ZPLD1: variants seen among roughly 807,000 people sequenced by gnomAD.
The protein encoded by ZPLD1 is zona pellucida-like domain-containing protein 1.
Under a neutral mutation model 47.2 loss-of-function variants are expected in ZPLD1, and 34 were observed. That is an observed-to-expected ratio of 0.72 (90% CI 0.55 to 0.96). The LOEUF (loss-of-function observed/expected upper bound fraction) is 0.96. Among genes scored for constraint, ZPLD1 ranks in the 40% least tolerant of loss-of-function variants. The probability of loss-of-function intolerance (pLI) is 0.00; values close to 1 mark genes in which losing one functional copy is unlikely to be tolerated. For synonymous variants in ZPLD1, 176 were observed against 186.2 expected (o/e 0.95, Z 0.45); for missense variants, 512 against 505.8 (o/e 1.01, Z -0.12).
intron 10 of ZPLD1, among the ~76,000 whole-genome samples, chr3:102,471,879 C>CA (rs1402653781): frequency 2.3e-4 from 35 of 152,016 alleles, no homozygotes; most frequent in Non-Finnish European, 4.7e-4. Flanking sequence ...AATTTCCCCC[C>CA]AAAAAAGAGA....
At position 102,463,719 on chromosome 3, in the gene ZPLD1, G is replaced by T. The variant is rs192931367; in HGVS notation, c.681-452G>T. Among the ~76,000 whole-genome samples the T allele has an allele frequency of 2.6e-5, 4 of 152,172 alleles. No individual in the cohort carries two copies. The East Asian group carries it at 7.7e-4, about 29-fold the overall frequency. On this transcript the variant is annotated intron_variant, in intron 7 of 11. Transcript: ENST00000466937. ...AACAATAAACTTCCGCAAATAACAA[G>T]TAATAAACAATTATATTCCATGAGA... is the stretch of plus-strand genomic sequence containing the variant.
chr3:102,464,019 C>A (rs771650359), intron 7 of ZPLD1, 152 bp from the exon 8 acceptor site: 44 of 572,672 alleles, frequency 7.7e-5, no homozygotes, highest in Middle Eastern at 4.9e-4. Flanking sequence ...CACTGCACTC[C>A]AGTCTGGGCA....
chr3:102,462,158 G>A, intron 6 of ZPLD1, 123 bp from the exon 7 acceptor site: 2 of 565,840 alleles, frequency 3.5e-6, no homozygotes, highest in Non-Finnish European at 6.0e-6. Context: ...ATCCTTTTTG[G>A]ATTGATTCTG....
chr3:102,437,058 A>G (rs1707102062), intron 2 of ZPLD1, 85 bp downstream of exon 2: 1 of 568,638 alleles, frequency 1.8e-6, no homozygotes, highest in African/African-American at 2.0e-5. Context: ...AGACTGTCTT[A>G]TTCTAGTTGA....
intron 7 of ZPLD1, among the ~76,000 whole-genome samples, chr3:102,392,981 G>A (rs746222230): frequency 3.9e-5 from 6 of 152,220 alleles, no homozygotes; most frequent in Non-Finnish European, 7.4e-5. Flanking sequence ...CTTGATATCT[G>A]TTTACATGCA....
intron 7 of ZPLD1, among the ~76,000 whole-genome samples, chr3:102,409,715 C>T (rs147082003): frequency 6.7e-4 from 102 of 151,814 alleles, no homozygotes; most frequent in African/African-American, 2.4e-3. Context: ...TATGGAGTTT[C>T]CATTTTTTGC....
rs1707508876 is a variant in ZPLD1, at chr3:102,461,688, A to C, written c.583-593A>C. Among the ~76,000 whole-genome samples the C allele has an allele frequency of 2.0e-5, 3 of 151,966 alleles. No homozygotes were observed. In the South Asian group the frequency reaches 6.2e-4, roughly 32 times the overall value. On this transcript the variant is annotated intron_variant, in intron 6 of 11. Coordinates refer to ENST00000466937, the MANE Select transcript of ZPLD1 (RefSeq NM_001329788.2). ...TCTTGAAGATATTGATACATTCTAG[A>C]AATTTGGTTCTCCTGTAGTTTCTTC...
At chr3:102,400,984 T>G (rs1471081409) in intron 7 of ZPLD1, among the ~76,000 whole-genome samples, 1 of 152,094 alleles carries the variant, frequency 6.6e-6, no homozygotes, top group Non-Finnish European at 1.5e-5. Flanking sequence ...ATGAGTCATT[T>G]CCTCTGCTTT....
chr3:102,425,201 A>G (rs1165138589), intron 8 of ZPLD1, among the ~76,000 whole-genome samples: 1 of 152,094 alleles, frequency 6.6e-6, no homozygotes, highest in Non-Finnish European at 1.5e-5. Flanking sequence ...CTAAACAGCT[A>G]TTGTCATTCA....
At chr3:102,440,383 A>G (rs1576148626) in intron 3 of ZPLD1, among the ~76,000 whole-genome samples, 1 of 151,994 alleles carries the variant, frequency 6.6e-6, no homozygotes, top group Non-Finnish European at 1.5e-5. Flanking sequence ...AGAAATGGAG[A>G]ATTGATTTGG....
intron 6 of ZPLD1, among the ~76,000 whole-genome samples, chr3:102,388,849 T>A (rs760649288): frequency 6.6e-6 from 1 of 152,206 alleles, no homozygotes. Flanking sequence ...AAGAGACTTC[T>A]GATTTTTTTG....
intron 10 of ZPLD1, among the ~76,000 whole-genome samples, chr3:102,475,931 A>G (rs2688700): frequency 0.22 from 33,414 of 152,090 alleles, 4,135 homozygotes; most frequent in Non-Finnish European, 0.29. Context: ...ATTCATCTTC[A>G]TAACCAGAAA....
Position 102,391,991 on chromosome 3 carries a change from C to CAACT in ZPLD1, c.-212-175_-212-172dup, listed in dbSNP as rs1220841033. ...GGCCATTGAAAAGAAAAACCCTAAT[C>CAACT]AACTAACCAACCAACCAACCAACAA... On this transcript the variant is annotated intron_variant, in intron 6 of 17. Transcript: ENST00000491959. Among the ~76,000 whole-genome samples, 4 of 152,240 alleles carry CAACT rather than the reference C, an allele frequency of 2.6e-5. No homozygotes were observed. In the East Asian group the frequency reaches 7.7e-4, roughly 29 times the overall value.
At chr3:102,426,301 T>G (rs1706946994) in intron 8 of ZPLD1, among the ~76,000 whole-genome samples, 1 of 152,132 alleles carries the variant, frequency 6.6e-6, no homozygotes, top group Non-Finnish European at 1.5e-5. Context: ...GTAGTTCGCC[T>G]GAGGTCAGTA....
At chr3:102,449,865 C>T (rs570214650) in intron 3 of ZPLD1, among the ~76,000 whole-genome samples, 5 of 152,268 alleles carry the variant, frequency 3.3e-5, no homozygotes, top group African/African-American at 1.2e-4. Flanking sequence ...GAGAGGACTC[C>T]TGTGCTTGGG....
intron 8 of ZPLD1, among the ~76,000 whole-genome samples, chr3:102,418,700 T>C (rs531757365): frequency 6.6e-6 from 1 of 151,996 alleles, no homozygotes; most frequent in African/African-American, 2.4e-5. Flanking sequence ...AGGGTTCTAT[T>C]GCACCAGAGA....
chr3:102,407,471 A>AC (rs199930784), intron 7 of ZPLD1, among the ~76,000 whole-genome samples: 14,647 of 119,462 alleles, frequency 0.12, 1,294 homozygotes, highest in Middle Eastern at 0.15. Flanking sequence ...TTATGAGTCC[A>AC]CTGGGATAAA....
intron 4 of ZPLD1, among the ~76,000 whole-genome samples, chr3:102,453,394 G>A (rs992344358): frequency 6.6e-6 from 1 of 152,172 alleles, no homozygotes; most frequent in Non-Finnish European, 1.5e-5. Context: ...TATTTTGTGT[G>A]AGTGACACTG....
At chr3:102,455,984 G>C (rs1011020253) in intron 4 of ZPLD1, among the ~76,000 whole-genome samples, 1 of 152,110 alleles carries the variant, frequency 6.6e-6, no homozygotes, top group Non-Finnish European at 1.5e-5. Context: ...TATGAGTAAA[G>C]TGTCTTTGGT....
Sources: gnomAD v4.1 joint callset for allele counts (sites outside exome capture counted in the v4.1 genomes callset) on GRCh38, gnomAD v4.1.1 for gene constraint, MANE v1.5 for transcripts, NCBI Gene and HGNC (gene_info 2026-07-23, HGNC 2026-07-21) for gene names.